LSAMP: variants seen among roughly 807,000 people sequenced by gnomAD.
LSAMP encodes the protein limbic system-associated membrane protein.
A neutral mutation model predicts 38.6 loss-of-function variants in LSAMP; 7 were observed. That is an observed-to-expected ratio of 0.18 (90% CI 0.10 to 0.34). LSAMP has a LOEUF of 0.34. Among genes scored for constraint, LSAMP ranks in the 10% least tolerant of loss-of-function variants. The probability of loss-of-function intolerance (pLI) is 1.00; values close to 1 mark genes in which losing one functional copy is unlikely to be tolerated. For synonymous variants in LSAMP, 154 were observed against 166.8 expected, an observed-to-expected ratio of 0.92 and a Z score of 0.59; for missense variants, 313 against 420.0, an observed-to-expected ratio of 0.75 and a Z score of 2.23.
At chr3:116,377,218 C>T (rs1360369704) in intron 1 of LSAMP, among the ~76,000 whole-genome samples, 4 of 151,956 alleles carry the variant, frequency 2.6e-5, no homozygotes, top group African/African-American at 9.7e-5. Flanking sequence ...TTTCCTAATG[C>T]TCTCCCTTCC....
intron 6 of LSAMP, among the ~76,000 whole-genome samples, chr3:115,814,772 A>T (rs940309882): frequency 2.0e-5 from 3 of 152,230 alleles, no homozygotes; most frequent in Non-Finnish European, 2.9e-5. Context: ...TAGAATTATT[A>T]AGGGCTGATT....
chr3:116,439,524 G>A (rs2107887200), intron 1 of LSAMP, among the ~76,000 whole-genome samples: 1 of 119,920 alleles, frequency 8.3e-6, no homozygotes, highest in East Asian at 2.5e-4. Context: ...ACTGAAATTT[G>A]AGACACACTG....
intron 3 of LSAMP, among the ~76,000 whole-genome samples, chr3:115,898,488 G>A (rs1443302354): frequency 1.3e-5 from 2 of 151,926 alleles, no homozygotes; most frequent in African/African-American, 4.8e-5. Context: ...ATCTCCAGAA[G>A]AGCCAAGAAA....
At chr3:115,904,638 G>T (rs373784434) in intron 3 of LSAMP, among the ~76,000 whole-genome samples, 5 of 152,192 alleles carry the variant, frequency 3.3e-5, no homozygotes, top group African/African-American at 1.2e-4. Flanking sequence ...CTCTCAGAGT[G>T]ATCTTTCTAA....
At chr3:116,201,656 G>T (rs765839221) in intron 1 of LSAMP, among the ~76,000 whole-genome samples, 2 of 152,154 alleles carry the variant, frequency 1.3e-5, no homozygotes, top group African/African-American at 4.8e-5. Context: ...TCAGGCTCTT[G>T]TGCAGGAGAC....
chr3:115,833,584 T>A (rs896915908), intron 6 of LSAMP, among the ~76,000 whole-genome samples: 2 of 152,178 alleles, frequency 1.3e-5, no homozygotes, highest in African/African-American at 4.8e-5. Context: ...ACACACAAGT[T>A]TGCAAGAGTT....
chr3:116,315,742 T>C (rs1346944), intron 1 of LSAMP, among the ~76,000 whole-genome samples: 124,974 of 152,194 alleles, frequency 0.82, 54,466 homozygotes, highest in East Asian at 0.96. Flanking sequence ...ATTTTATTCT[T>C]TCAATAACTC....
chr3:116,325,221 G>A (rs1234422676), intron 1 of LSAMP, among the ~76,000 whole-genome samples: 2 of 151,848 alleles, frequency 1.3e-5, no homozygotes, highest in Non-Finnish European at 2.9e-5. Flanking sequence ...GTGCACTGCA[G>A]CTTCAAACTC....
intron 6 of LSAMP, among the ~76,000 whole-genome samples, chr3:115,815,904 G>A (rs1934001754): frequency 1.3e-5 from 2 of 152,262 alleles, no homozygotes; most frequent in Non-Finnish European, 2.9e-5. Flanking sequence ...TTTCTTGGGA[G>A]TAAGCAACAA....
chr3:116,422,251 C>G (rs570892695), intron 1 of LSAMP, among the ~76,000 whole-genome samples: 1 of 152,136 alleles, frequency 6.6e-6, no homozygotes, highest in South Asian at 2.1e-4. Flanking sequence ...CCCTTCATAG[C>G]TGTGGGTTCC....
chr3:115,967,729 C>A (rs1219706435), intron 3 of LSAMP, among the ~76,000 whole-genome samples: 3 of 152,082 alleles, frequency 2.0e-5, no homozygotes, highest in African/African-American at 7.2e-5. Context: ...TGGCAGCAGG[C>A]AAAGAGAGAG....
At chr3:115,932,931 G>A (rs535910621) in intron 3 of LSAMP, among the ~76,000 whole-genome samples, 1 of 152,174 alleles carries the variant, frequency 6.6e-6, no homozygotes, top group Non-Finnish European at 1.5e-5. Flanking sequence ...CAGTGGGTAC[G>A]CAGTGGAAAG....
intron 1 of LSAMP, among the ~76,000 whole-genome samples, chr3:116,444,348 A>ACG (rs1553737202): frequency 6.9e-6 from 1 of 144,538 alleles, no homozygotes; most frequent in East Asian, 2.1e-4. Context: ...CAACCTTGAT[A>ACG]TGTGTGTGTG....
chr3:115,907,426 A>G (rs1012655188), intron 3 of LSAMP, among the ~76,000 whole-genome samples: 1 of 151,782 alleles, frequency 6.6e-6, no homozygotes, highest in African/African-American at 2.4e-5. Context: ...GATGCCATCT[A>G]TGAAGCAGAG....
At chr3:116,354,789 A>T (rs1363450157) in intron 1 of LSAMP, among the ~76,000 whole-genome samples, 1 of 152,210 alleles carries the variant, frequency 6.6e-6, no homozygotes, top group Middle Eastern at 3.4e-3. Context: ...AGAGAAAGTA[A>T]TCAAAGACTT....
intron 1 of LSAMP, among the ~76,000 whole-genome samples, chr3:116,181,617 G>A (rs898599633): frequency 2.6e-5 from 4 of 151,900 alleles, no homozygotes; most frequent in South Asian, 2.1e-4. Flanking sequence ...AAGTAAAAGC[G>A]TTAAAACATT....
At chr3:116,247,220 C>T (rs1386484628) in intron 1 of LSAMP, among the ~76,000 whole-genome samples, 1 of 152,134 alleles carries the variant, frequency 6.6e-6, no homozygotes, top group African/African-American at 2.4e-5. Flanking sequence ...ATTTAAGTTG[C>T]TTCTGTTAAT....
chr3:116,265,076 T>C (rs2046875007), intron 1 of LSAMP, among the ~76,000 whole-genome samples: 1 of 152,028 alleles, frequency 6.6e-6, no homozygotes, highest in African/African-American at 2.4e-5. Context: ...AAAAGGGACG[T>C]GTTATGAATA....
At chr3:116,381,122 A>G (rs1317882933) in intron 1 of LSAMP, among the ~76,000 whole-genome samples, 1 of 152,058 alleles carries the variant, frequency 6.6e-6, no homozygotes, top group Non-Finnish European at 1.5e-5. Flanking sequence ...TTTTGGTTTT[A>G]TCAGATCCAA....
Sources: allele counts gnomAD v4.1 joint callset (sites outside exome capture counted in the v4.1 genomes callset), GRCh38; gene constraint gnomAD v4.1.1; transcripts MANE v1.5; gene names NCBI Gene and HGNC (gene_info 2026-07-23, HGNC 2026-07-21).